RGSL1: variants seen among roughly 807,000 people sequenced by gnomAD.
RGSL1 encodes regulator of G protein signaling protein-like.
RGSL1 carries 97 observed loss-of-function variants against 124.7 expected under a neutral mutation model. The ratio of observed to expected loss-of-function variants is 0.78; its 90% CI spans 0.66 to 0.92. RGSL1 has a LOEUF of 0.92. RGSL1 is among the 40% of genes least tolerant of loss of function. The pLI is 0.00. For synonymous variants in RGSL1, 424 were observed against 438.1 expected, an observed-to-expected ratio of 0.97 and a Z score of 0.40; for missense variants, 1,233 against 1,288.4, an observed-to-expected ratio of 0.96 and a Z score of 0.66.
chr1:182,528,824 T>G lies in RGSL1; in HGVS notation c.2125+1052T>G, dbSNP rs1417915231. 2.6e-5 allele frequency among the ~76,000 whole-genome samples: 4 copies of G among 152,302 alleles called. No individual in the cohort carries two copies. The East Asian group carries it at 5.8e-4, about 22-fold the overall frequency. On this transcript the variant is annotated intron_variant, in intron 11 of 21. Transcript: ENST00000294854. ...AAGAAATACCTGAGACTGGGTAATT[T>G]ATGAAGAAAAGAGGTTTAATTGACG... is the stretch of plus-strand genomic sequence containing the variant.
At chr1:182,452,147 C>T (rs972843395) in intron 1 of RGSL1, among the ~76,000 whole-genome samples, 12 of 151,958 alleles carry the variant, frequency 7.9e-5, no homozygotes, top group African/African-American at 2.9e-4. Flanking sequence ...GGTTGGGAGG[C>T]CTGGACACAT....
At chr1:182,482,542 C>T (rs1380329366) in intron 6 of RGSL1, among the ~76,000 whole-genome samples, 1 of 152,148 alleles carries the variant, frequency 6.6e-6, no homozygotes, top group Non-Finnish European at 1.5e-5. Context: ...ACAGTTAAAA[C>T]TAATTAGCGA....
intron 15 of RGSL1, among the ~76,000 whole-genome samples, chr1:182,542,505 C>G (rs1446829256): frequency 6.6e-6 from 1 of 152,124 alleles, no homozygotes; most frequent in Non-Finnish European, 1.5e-5. Flanking sequence ...AGTGATGCCT[C>G]CAGCTTTGTT....
chr1:182,450,033 G>A (rs1047274133), upstream of RGSL1: 2 of 1,018,950 alleles, frequency 2.0e-6, no homozygotes, highest in East Asian at 2.6e-5. Flanking sequence ...CCAGAGGTAA[G>A]TAGATCACTG....
chr1:182,550,114 C>T (rs964632410), intron 17 of RGSL1: 11 of 152,162 alleles, frequency 7.2e-5, no homozygotes, highest in Admixed American at 5.9e-4. Flanking sequence ...CATATATTAT[C>T]TTAAACGAAC....
intron 6 of RGSL1, among the ~76,000 whole-genome samples, chr1:182,485,566 T>C (rs532062818): frequency 1.3e-5 from 2 of 152,272 alleles, no homozygotes; most frequent in African/African-American, 4.8e-5. Flanking sequence ...CCTCTTCTGA[T>C]CTTTTATCAG....
intron 2 of RGSL1, among the ~76,000 whole-genome samples, chr1:182,455,798 C>A (rs780084275): frequency 1.3e-5 from 2 of 152,188 alleles, no homozygotes; most frequent in African/African-American, 2.4e-5. Flanking sequence ...AGGCAGGCTG[C>A]GCCAAGCCCT....
In RGSL1 at chr1:182,503,980, T is replaced by C. The variant is rs1306228690; in HGVS notation, c.1825+10851T>C. On this transcript the variant is annotated intron_variant, in intron 9 of 21. Transcript: ENST00000294854. ...TTGGTCCCTTTTGTAATTTCTTTTT[T>C]TTTTTTTTTTTTTTTTTTGAGACAG... Among the ~76,000 whole-genome samples, 358 of 139,386 alleles carry C rather than the reference T, an allele frequency of 2.6e-3. 49 individuals are homozygous for C. The highest frequency in any genetic ancestry group is 6.1e-3 in the East Asian group (29 of 4,764). The allele number at this position is 139,386 out of a possible 152,430, so 91.4% of individuals were successfully genotyped here.
At chr1:182,487,254 T>A (rs980972864) in intron 6 of RGSL1, among the ~76,000 whole-genome samples, 1 of 152,114 alleles carries the variant, frequency 6.6e-6, no homozygotes, top group South Asian at 2.1e-4. Flanking sequence ...GCGGAGATAA[T>A]CTTACATTCT....
At chr1:182,490,050 GA>G (rs200489791) in intron 8 of RGSL1, among the ~76,000 whole-genome samples, 5 of 151,862 alleles carry the variant, frequency 3.3e-5, no homozygotes, top group South Asian at 2.1e-4. Flanking sequence ...ACATATATAT[GA>G]AAAAAAATTT....
chr1:182,479,947 AC>A (rs1422484462), intron 6 of RGSL1, among the ~76,000 whole-genome samples: 2 of 152,246 alleles, frequency 1.3e-5, no homozygotes, highest in Non-Finnish European at 2.9e-5. Context: ...AATTATAAAT[AC>A]ATACGCACCC....
rs1177149170 is a variant in RGSL1 at position 182,556,095 on chromosome 1, G to A, written c.*38G>A. ...CCCAGCAGAGATAAATCATCTCTTA[G>A]AGGCCTCCTAACACTGACAGAAACT... is the stretch of plus-strand genomic sequence containing the variant. On this transcript the variant is annotated 3_prime_UTR_variant, in exon 21 of 22. Transcript: ENST00000294854. 6.5e-7 allele frequency: 1 copy of A among 1,535,382 alleles called. No homozygotes were observed. Among genetic ancestry groups the A allele is most frequent in the Admixed American group, 2.0e-5 (1 of 50,686 alleles).
At chr1:182,526,164 A>AT (rs1658726839) in intron 10 of RGSL1, among the ~76,000 whole-genome samples, 1 of 152,226 alleles carries the variant, frequency 6.6e-6, no homozygotes, top group Non-Finnish European at 1.5e-5. Context: ...TATTTAAAGG[A>AT]TAAATAATGT....
At position 182,527,713 on chromosome 1, in the gene RGSL1, T is replaced by A; in HGVS notation, c.2066T>A (p.Ile689Asn). ...ATCAGTATAGAGACCAATGAAAAGA[T>A]TTGCAAGTCTCTCATAGAAAATGTA... ...QKISIETNEK[I>N]CKSLIENVIK... Residue 689 changes from isoleucine to asparagine, a missense_variant, in exon 11 of 22, where the codon ATT (isoleucine) becomes AAT (asparagine). Physicochemically the swap from Ile to Asn is moderately radical, Grantham distance 149. Transcript: ENST00000294854. The A allele has an allele frequency of 6.4e-7, 1 of 1,551,122 alleles. No individual in the cohort carries two copies. The highest frequency in any genetic ancestry group is 1.2e-5 in the South Asian group (1 of 83,972).
intron 8 of RGSL1, among the ~76,000 whole-genome samples, chr1:182,490,612 C>A (rs991718549): frequency 6.6e-6 from 1 of 152,116 alleles, no homozygotes; most frequent in African/African-American, 2.4e-5. Flanking sequence ...GGAATCAAGA[C>A]CAAAGTAGAT....
At position 182,496,275 on chromosome 1, in the gene RGSL1, C is replaced by A. The variant is rs562077986; in HGVS notation, c.1825+3146C>A. ...ACCAAGGGGATGGTGATAATCCATT[C>A]ATAAGAAACCACCCCATGAGCTAAT... On this transcript the variant is annotated intron_variant, in intron 9 of 21. Coordinates refer to ENST00000294854, the MANE Select transcript of RGSL1 (RefSeq NM_001137669.2). Among the ~76,000 whole-genome samples, 18 of 152,228 alleles carry A rather than the reference C, an allele frequency of 1.2e-4. No individual in the cohort carries two copies. The South Asian group carries it at 3.3e-3, about 28-fold the overall frequency.
At chr1:182,529,785 C>G (rs1301861863) in intron 11 of RGSL1, among the ~76,000 whole-genome samples, 1 of 152,086 alleles carries the variant, frequency 6.6e-6, no homozygotes, top group African/African-American at 2.4e-5. Context: ...TGTCCAGATC[C>G]TATCTTTGAT....
At chr1:182,474,749 T>G (rs545589721) in intron 6 of RGSL1, among the ~76,000 whole-genome samples, 1 of 152,174 alleles carries the variant, frequency 6.6e-6, no homozygotes, top group Non-Finnish European at 1.5e-5. Flanking sequence ...TGTTAGGAAC[T>G]GGGCCGCACA....
intron 20 of RGSL1, 36 bp from the exon 21 acceptor site, chr1:182,555,988 A>G (rs1419765882): frequency 1.3e-6 from 2 of 1,528,300 alleles, no homozygotes; most frequent in East Asian, 2.5e-5. Context: ...TTACTGCATC[A>G]TAATTGTGAT....
Sources: gnomAD v4.1 joint callset for allele counts (sites outside exome capture counted in the v4.1 genomes callset) on GRCh38, gnomAD v4.1.1 for gene constraint, MANE v1.5 for transcripts, NCBI Gene and HGNC (gene_info 2026-07-23, HGNC 2026-07-21) for gene names.